Variants in HSF5 observed in about 807,000 individuals in gnomAD.
The protein encoded by HSF5 is heat shock transcription factor 5.
Under a neutral mutation model 50.8 loss-of-function variants are expected in HSF5, and 5 were observed. The ratio of observed to expected loss-of-function variants is 0.10; its 90% CI spans 0.05 to 0.21. HSF5 has a LOEUF of 0.21. Ranked by LOEUF, HSF5 falls within the 10% of genes least tolerant of loss-of-function variation. The pLI, the probability that HSF5 is intolerant of heterozygous loss-of-function variation, is 1.00. For synonymous variants in HSF5, 307 were observed against 307.4 expected (o/e 1.00, Z 0.02); for missense variants, 564 against 762.6 (o/e 0.74, Z 3.07).
At chr17:58,480,366 C>A in intron 1 of HSF5, 99 bp from the exon 2 acceptor site, 2 of 1,153,782 alleles carry the variant, frequency 1.7e-6, no homozygotes, top group East Asian at 2.5e-5. Flanking sequence ...ACCTATCAGC[C>A]ATTTTTAACA....
intron 2 of HSF5, chr17:58,476,868 GT>G (rs557661909): frequency 7.0e-4 from 822 of 1,172,974 alleles, no homozygotes; most frequent in African/African-American, 1.3e-3. Flanking sequence ...GCTTCTTGCT[GT>G]TTTTTTTTTC....
intron 4 of HSF5, among the ~76,000 whole-genome samples, chr17:58,461,801 T>C (rs1268407835): frequency 6.6e-6 from 1 of 151,884 alleles, no homozygotes; most frequent in African/African-American, 2.4e-5. Context: ...ACCCAGGAGG[T>C]GGAGGCTGCA....
intron 5 of HSF5, among the ~76,000 whole-genome samples, chr17:58,457,504 C>T (rs1974729623): frequency 6.6e-6 from 1 of 151,516 alleles, no homozygotes. Flanking sequence ...GAGGCTGAGC[C>T]ATGAGAATTG....
Position 58,488,341 on chromosome 17 carries a change from G to A in HSF5, c.-67C>T. On this transcript the variant is annotated 5_prime_UTR_variant, in exon 1 of 6. Transcript: ENST00000323777. This position sits in a 1 kb window ranked among gnomAD's most constrained non-coding sequence, Gnocchi z 4.1. ...CCCACACCGTTCTCGATCCCTCCCC[G>A]GCCTTCGCCTCGCCCTGCCCGCTCC... 3 of 1,371,654 alleles carry A rather than the reference G, an allele frequency of 2.2e-6. No individual in the cohort carries two copies. The highest frequency in any genetic ancestry group is 2.0e-4 in the Middle Eastern group (1 of 5,006). 85.0% of individuals were successfully genotyped at this position (1,371,654 alleles called of 1,614,324 possible).
At chr17:58,443,155 C>T (rs1974519576) in intron 5 of HSF5, among the ~76,000 whole-genome samples, 1 of 152,092 alleles carries the variant, frequency 6.6e-6, no homozygotes, top group South Asian at 2.1e-4. Flanking sequence ...GATCTGCCTG[C>T]CTTGGCCTCC....
chr17:58,465,943 T>C (rs1162074598), intron 3 of HSF5, among the ~76,000 whole-genome samples: 1 of 152,088 alleles, frequency 6.6e-6, no homozygotes, highest in East Asian at 1.9e-4. Flanking sequence ...ACTTTTTGAG[T>C]GCTGGCATGA....
At chr17:58,487,573 G>T (rs1975203068) in intron 1 of HSF5, 152 bp downstream of exon 1, 1 of 1,253,786 alleles carries the variant, frequency 8.0e-7, no homozygotes, top group Non-Finnish European at 1.0e-6. Flanking sequence ...TGGCGGGACC[G>T]CCAGTCTCGG....
intron 2 of HSF5, among the ~76,000 whole-genome samples, chr17:58,470,209 C>T (rs954427316): frequency 1.3e-5 from 2 of 152,208 alleles, no homozygotes; most frequent in African/African-American, 2.4e-5. Flanking sequence ...GAAAAGGTAT[C>T]TGTACACCCA....
At chr17:58,467,387 T>A (rs1437788244) in intron 2 of HSF5, among the ~76,000 whole-genome samples, 1 of 152,184 alleles carries the variant, frequency 6.6e-6, no homozygotes, top group Non-Finnish European at 1.5e-5. Context: ...AAGAGTAAAA[T>A]AACTATGAAG....
At chr17:58,452,963 A>G (rs1219586153) in intron 5 of HSF5, among the ~76,000 whole-genome samples, 2 of 152,172 alleles carry the variant, frequency 1.3e-5, no homozygotes, top group Non-Finnish European at 2.9e-5. Context: ...TGAGCCCAGG[A>G]GGCTGAGGCT....
chr17:58,429,703 G>A (rs895839263), intron 5 of HSF5, among the ~76,000 whole-genome samples: 2 of 150,450 alleles, frequency 1.3e-5, no homozygotes, highest in African/African-American at 2.4e-5. Context: ...AAAATCAGCC[G>A]GGCATGGTGG....
intron 5 of HSF5, among the ~76,000 whole-genome samples, chr17:58,436,997 T>C (rs1233079256): frequency 6.6e-5 from 10 of 152,180 alleles, no homozygotes; most frequent in Admixed American, 6.5e-4. Flanking sequence ...TTCTAAATAT[T>C]TCTGTCGGTA....
At chr17:58,439,928 C>T (rs1297994102) in intron 5 of HSF5, among the ~76,000 whole-genome samples, 2 of 148,306 alleles carry the variant, frequency 1.3e-5, no homozygotes, top group Admixed American at 6.8e-5. Context: ...TCAGCATATC[C>T]AATACTGGAC....
chr17:58,475,316 C>T (rs373642062), intron 2 of HSF5, among the ~76,000 whole-genome samples: 5 of 152,158 alleles, frequency 3.3e-5, no homozygotes, highest in Admixed American at 2.0e-4. Context: ...TTAGTTTTAT[C>T]GTAACAAAGC....
intron 5 of HSF5, among the ~76,000 whole-genome samples, chr17:58,441,938 G>C (rs999811226): frequency 6.6e-6 from 1 of 152,236 alleles, no homozygotes; most frequent in African/African-American, 2.4e-5. Context: ...ATTTGGGTAT[G>C]TGTGAGTGAG....
At chr17:58,449,581 TC>T (rs1342339907) in intron 5 of HSF5, among the ~76,000 whole-genome samples, 1 of 151,134 alleles carries the variant, frequency 6.6e-6, no homozygotes, top group African/African-American at 2.4e-5. Context: ...ACACCTGTAA[TC>T]CCAGCTACTC....
intron 2 of HSF5, among the ~76,000 whole-genome samples, chr17:58,473,811 T>G (rs906629821): frequency 2.6e-5 from 4 of 152,212 alleles, no homozygotes; most frequent in Admixed American, 2.0e-4. Flanking sequence ...ATTATAAAAT[T>G]CAAAATTTAC....
Position 58,456,115 on chromosome 17 carries a change from ATATATATATATATATGTGTGTG to A in HSF5, c.1720+2631_1720+2652del, listed in dbSNP as rs760145015. On this transcript the variant is annotated intron_variant, in intron 5 of 5. Coordinates refer to ENST00000323777, the MANE Select transcript of HSF5 (RefSeq NM_001080439.3). ...TCTACAGATGAATAAAGAAAATGTG[ATATATATATATATATGTGTGTG>A]TGTATATATATATATGTGTGTGTGT... Among the ~76,000 whole-genome samples the A allele has an allele frequency of 3.2e-3, 451 of 142,738 alleles. 2 individuals are homozygous for A. The highest frequency in any genetic ancestry group is 5.5e-3 in the Non-Finnish European group (358 of 65,658). The allele number at this position is 142,738 out of a possible 152,430, so 93.6% of individuals were successfully genotyped here.
At chr17:58,473,994 C>T (rs1257689926) in intron 2 of HSF5, among the ~76,000 whole-genome samples, 1 of 152,066 alleles carries the variant, frequency 6.6e-6, no homozygotes, top group African/African-American at 2.4e-5. Context: ...ACAGGTGCTG[C>T]CACCACACCC....
Sources: allele counts gnomAD v4.1 joint callset (sites outside exome capture counted in the v4.1 genomes callset), GRCh38; gene constraint gnomAD v4.1.1; non-coding constraint Gnocchi (gnomAD v3.1); transcripts MANE v1.5; gene names NCBI Gene and HGNC (gene_info 2026-07-23, HGNC 2026-07-21).